Variants in SEMA4B observed in about 807,000 individuals in gnomAD.
SEMA4B encodes the protein semaphorin-4B.
In SEMA4B, 55 loss-of-function variants were observed where a neutral mutation model predicts 88.1. That is an observed-to-expected ratio of 0.62 (90% CI 0.50 to 0.78). SEMA4B has a LOEUF of 0.78. SEMA4B is among the 30% of genes least tolerant of loss of function. The probability of loss-of-function intolerance (pLI) is 0.00; values close to 1 mark genes in which losing one functional copy is unlikely to be tolerated. For missense variants in SEMA4B, 1,062 were observed against 1,111.9 expected (o/e 0.96, Z 0.64); for synonymous variants, 525 against 473.6 (o/e 1.11, Z -1.41).
In SEMA4B at chr15:90,227,543, T is replaced by G. The variant is rs769034413; in HGVS notation, c.1689-14T>G. 1 of 1,613,270 alleles carries G rather than the reference T, an allele frequency of 6.2e-7. No individual in the cohort carries two copies. Among genetic ancestry groups the G allele is most frequent in the Non-Finnish European group, 8.5e-7 (1 of 1,179,490 alleles). Reference sequence around the variant, plus strand: ...GACTTCCTGGCCAATCCCAGAATTCTCTCTGGCCCTCAGGCCGTGGATCCA... The same window carrying G: ...GACTTCCTGGCCAATCCCAGAATTCGCTCTGGCCCTCAGGCCGTGGATCCA... On this transcript the variant is annotated splice_polypyrimidine_tract_variant and intron_variant, in intron 12 of 13. Coordinates refer to ENST00000411539, the MANE Select transcript of SEMA4B (RefSeq NM_198925.4).
intron 4 of SEMA4B, among the ~76,000 whole-genome samples, chr15:90,220,524 C>G (rs540316948): frequency 1.3e-5 from 2 of 151,916 alleles, no homozygotes; most frequent in East Asian, 1.9e-4. Flanking sequence ...CCCGCCACCA[C>G]GCCTGGCTAA....
intron 1 of SEMA4B, among the ~76,000 whole-genome samples, chr15:90,195,857 G>T (rs1307986339): frequency 1.3e-5 from 2 of 151,720 alleles, no homozygotes; most frequent in African/African-American, 4.8e-5. Flanking sequence ...CAGTCTGCCT[G>T]CCTCGGCATC....
At chr15:90,195,383 C>T (rs1163815866) in intron 1 of SEMA4B, among the ~76,000 whole-genome samples, 1 of 152,070 alleles carries the variant, frequency 6.6e-6, no homozygotes, top group African/African-American at 2.4e-5. Flanking sequence ...TCAGCCACCT[C>T]GCCTCGCTGC....
intron 7 of SEMA4B, 81 bp from the exon 8 acceptor site, chr15:90,223,478 C>A: frequency 7.7e-7 from 1 of 1,304,402 alleles, no homozygotes; most frequent in Non-Finnish European, 1.0e-6. Flanking sequence ...TGGGGTGGGT[C>A]CATTGAGGCA....
At chr15:90,209,720 C>T (rs4932303) in intron 1 of SEMA4B, among the ~76,000 whole-genome samples, 100,185 of 152,044 alleles carry the variant, frequency 0.66, 33,453 homozygotes, top group East Asian at 0.93. Flanking sequence ...AGCCGGGGAT[C>T]CAGGAAGGCC....
At chr15:90,224,861 C>A in intron 9 of SEMA4B, 107 bp from the exon 10 acceptor site, 1 of 910,960 alleles carries the variant, frequency 1.1e-6, no homozygotes, top group Non-Finnish European at 1.8e-6. Context: ...TGCCCTGGCT[C>A]CGGGCGGGGG....
intron 4 of SEMA4B, 72 bp downstream of exon 4, chr15:90,219,963 T>G (rs758698318): frequency 1.4e-5 from 17 of 1,182,466 alleles, no homozygotes; most frequent in Non-Finnish European, 2.0e-5. Context: ...GATCCTGTTC[T>G]GTAGCATAGA....
chr15:90,228,987 C>A lies in SEMA4B; in HGVS notation c.*344C>A. On this transcript the variant is annotated 3_prime_UTR_variant, in exon 14 of 14. Coordinates refer to ENST00000411539, the MANE Select transcript of SEMA4B (RefSeq NM_198925.4). Reference sequence around the variant, plus strand: ...GAGATAGCATGGCATGCAGCACACACGGCTGCTCCAGTTCATGGCCTCCCA... The same window carrying A: ...GAGATAGCATGGCATGCAGCACACAAGGCTGCTCCAGTTCATGGCCTCCCA... 2.5e-6 allele frequency: 1 copy of A among 398,682 alleles called. No individual in the cohort carries two copies. The highest frequency in any genetic ancestry group is 4.7e-6 in the Non-Finnish European group (1 of 211,580). 24.7% of individuals were successfully genotyped at this position (398,682 alleles called of 1,614,324 possible).
chr15:90,219,612 ACTCTGTG>A, intron 3 of SEMA4B, 174 bp from the exon 4 acceptor site: 1 of 582,186 alleles, frequency 1.7e-6, no homozygotes, highest in East Asian at 2.9e-5. Context: ...CAGCACACAC[ACTCTGTG>A]CACGCTCCAC....
At chr15:90,223,235 T>C (rs1676034073) in intron 7 of SEMA4B, among the ~76,000 whole-genome samples, 1 of 152,126 alleles carries the variant, frequency 6.6e-6, no homozygotes, top group Admixed American at 6.6e-5. Flanking sequence ...ATTAATAATA[T>C]AAGTACCATC....
intron 1 of SEMA4B, among the ~76,000 whole-genome samples, chr15:90,208,579 G>T (rs1337927055): frequency 6.6e-6 from 1 of 152,164 alleles, no homozygotes; most frequent in Non-Finnish European, 1.5e-5. Flanking sequence ...CTGCAAGGCA[G>T]CCCTCTCAGG....
chr15:90,209,700 GC>G (rs1961166566), intron 1 of SEMA4B, among the ~76,000 whole-genome samples: 1 of 152,238 alleles, frequency 6.6e-6, no homozygotes, highest in Non-Finnish European at 1.5e-5. Context: ...ACGGAGAAGG[GC>G]CCTTGCCCAG....
At chr15:90,197,850 G>A (rs1960563837), upstream of SEMA4B, among the ~76,000 whole-genome samples, 1 of 151,956 alleles carries the variant, frequency 6.6e-6, no homozygotes, top group South Asian at 2.1e-4. Flanking sequence ...AATAGAATCA[G>A]TTTTCAACAT....
Position 90,228,866 on chromosome 15 carries a change from G to A in SEMA4B, c.*223G>A. On this transcript the variant is annotated 3_prime_UTR_variant, in exon 14 of 14. Coordinates refer to ENST00000411539, the MANE Select transcript of SEMA4B (RefSeq NM_198925.4). ...GGCCCCAGAGGTCCTGGCCAAATAT[G>A]GGGGCCTGCCTAGGTTGGTGGAACA... 6 of 608,368 alleles carry A rather than the reference G, an allele frequency of 9.9e-6. No individual in the cohort carries two copies. The South Asian group carries it at 1.2e-4, about 12-fold the overall frequency. The allele number at this position is 608,368 out of a possible 1,614,324, so 37.7% of individuals were successfully genotyped here. A position where few individuals can be genotyped will look rare whatever the true frequency, so the allele number is the denominator to read the frequency against.
rs748977279 is a variant in SEMA4B, at chr15:90,228,322, C to T, written c.2193C>T (p.Leu731=). The part of the protein sequence containing the change: ...MCTLFVLAVL[L]PVLFLLYRHR... ...CGCTCTTTGTGCTGGCCGTGCTGCT[C>T]CCAGTTTTATTCTTGCTCTACCGGC... Residue 731 remains leucine, a synonymous_variant, in exon 14 of 14, where the codon CTC becomes CTT. Transcript: ENST00000411539. 2 of 1,599,060 alleles carry T rather than the reference C, an allele frequency of 1.3e-6. No individual in the cohort carries two copies. The highest frequency in any genetic ancestry group is 1.3e-5 in the African/African-American group (1 of 74,694).
At chr15:90,225,526 C>G (rs1962117539) in intron 11 of SEMA4B, 129 bp downstream of exon 11, 1 of 1,293,970 alleles carries the variant, frequency 7.7e-7, no homozygotes, top group Non-Finnish European at 1.1e-6. Context: ...CAGTCATGAA[C>G]TATTAGAAAG....
At chr15:90,222,240 A>T (rs79471054) in intron 7 of SEMA4B, among the ~76,000 whole-genome samples, 54,789 of 140,182 alleles carry the variant, frequency 0.39, 11,087 homozygotes, top group African/African-American at 0.54. Context: ...GCACCCAGCC[A>T]TTTTTTTTCT....
At chr15:90,190,888 A>C (rs899623444) in intron 1 of SEMA4B, among the ~76,000 whole-genome samples, 1 of 152,148 alleles carries the variant, frequency 6.6e-6, no homozygotes, top group Admixed American at 6.6e-5. Context: ...TGATCCTTGC[A>C]CCTCAACCTT....
At chr15:90,220,122 A>G (rs1233394795) in intron 4 of SEMA4B, 3 of 500,600 alleles carry the variant, frequency 6.0e-6, no homozygotes, top group African/African-American at 2.0e-5. Context: ...TCACTTACCC[A>G]TGAAGATCCT....
Sources: allele counts gnomAD v4.1 joint callset (sites outside exome capture counted in the v4.1 genomes callset), GRCh38; gene constraint gnomAD v4.1.1; transcripts MANE v1.5; gene names NCBI Gene and HGNC (gene_info 2026-07-23, HGNC 2026-07-21).